HS6ST3: variants seen among roughly 807,000 people sequenced by gnomAD.
HS6ST3 encodes heparan-sulfate 6-O-sulfotransferase 3.
A neutral mutation model predicts 36.7 loss-of-function variants in HS6ST3; 12 were observed. The ratio of observed to expected loss-of-function variants is 0.33; its 90% CI spans 0.21 to 0.53. HS6ST3 has a LOEUF of 0.53. HS6ST3 is among the 20% of genes least tolerant of loss of function. HS6ST3 has a pLI of 0.95. For synonymous variants in HS6ST3, 240 were observed against 257.5 expected (o/e 0.93, Z 0.65); for missense variants, 584 against 640.9 (o/e 0.91, Z 0.96).
rs1878962292 is a variant in HS6ST3, at chr13:96,837,687, G to T, written c.*4489G>T. On this transcript the variant is annotated 3_prime_UTR_variant, in exon 2 of 2. Coordinates refer to ENST00000376705, the MANE Select transcript of HS6ST3 (RefSeq NM_153456.4). ...GAATGAAATATCCAAGAGATGGGCG[G>T]TGCTGCAGGGGAGACCAAAACTCAG... is the stretch of plus-strand genomic sequence containing the variant. The T allele has an allele frequency of 6.6e-6, 1 of 152,098 alleles. No homozygotes were observed. Among genetic ancestry groups the T allele is most frequent in the Non-Finnish European group, 1.5e-5 (1 of 68,034 alleles). The allele number at this position is 152,098 out of a possible 1,614,324, so 9.4% of individuals were successfully genotyped here.
chr13:96,797,445 T>C (rs1380948507), intron 1 of HS6ST3, among the ~76,000 whole-genome samples: 2 of 151,972 alleles, frequency 1.3e-5, no homozygotes, highest in East Asian at 3.9e-4. Flanking sequence ...TGAGTTTGAA[T>C]GATAGAATTG....
intron 1 of HS6ST3, among the ~76,000 whole-genome samples, chr13:96,166,458 G>A (rs2054160632): frequency 6.6e-6 from 1 of 152,078 alleles, no homozygotes; most frequent in South Asian, 2.1e-4. Flanking sequence ...GTGGATGAGT[G>A]TGGCTCTTGA....
At chr13:96,784,785 A>G (rs1877605263) in intron 1 of HS6ST3, among the ~76,000 whole-genome samples, 1 of 152,178 alleles carries the variant, frequency 6.6e-6, no homozygotes, top group Non-Finnish European at 1.5e-5. Flanking sequence ...AAGTAATAGA[A>G]ACAGTGTTCC....
At chr13:96,289,961 A>T (rs2054821772) in intron 1 of HS6ST3, among the ~76,000 whole-genome samples, 1 of 152,148 alleles carries the variant, frequency 6.6e-6, no homozygotes, top group African/African-American at 2.4e-5. Flanking sequence ...CTTGGCTGGC[A>T]TATTTTCTCC....
intron 1 of HS6ST3, among the ~76,000 whole-genome samples, chr13:96,189,667 A>G (rs749990045): frequency 2.0e-5 from 3 of 152,162 alleles, no homozygotes; most frequent in African/African-American, 4.8e-5. Flanking sequence ...CTTCTTGCTC[A>G]TGTTACTTGT....
intron 1 of HS6ST3, among the ~76,000 whole-genome samples, chr13:96,695,862 A>G (rs1875113548): frequency 6.6e-6 from 1 of 152,292 alleles, no homozygotes; most frequent in African/African-American, 2.4e-5. Context: ...AAATTTGGGG[A>G]AAAATATCCA....
chr13:96,752,054 A>G (rs180877631), intron 1 of HS6ST3, among the ~76,000 whole-genome samples: 2 of 152,248 alleles, frequency 1.3e-5, no homozygotes, highest in Admixed American at 6.5e-5. Context: ...TGTAACTACT[A>G]TAACTTTTAA....
intron 1 of HS6ST3, among the ~76,000 whole-genome samples, chr13:96,783,813 A>G (rs893942701): frequency 2.0e-5 from 3 of 152,170 alleles, no homozygotes; most frequent in African/African-American, 7.2e-5. Flanking sequence ...TCGTAAGATC[A>G]CATGAAAGCT....
At chr13:96,199,097 C>G (rs1472199141) in intron 1 of HS6ST3, among the ~76,000 whole-genome samples, 2 of 152,178 alleles carry the variant, frequency 1.3e-5, no homozygotes, top group Non-Finnish European at 2.9e-5. Flanking sequence ...GAGACTTATT[C>G]ACTGTCATGA....
intron 1 of HS6ST3, among the ~76,000 whole-genome samples, chr13:96,774,476 G>A (rs906081565): frequency 3.3e-5 from 5 of 152,150 alleles, no homozygotes; most frequent in Non-Finnish European, 7.4e-5. Context: ...CCAGTTTAGA[G>A]AAGAACATAA....
intron 1 of HS6ST3, among the ~76,000 whole-genome samples, chr13:96,164,398 A>G (rs2054151213): frequency 6.6e-6 from 1 of 151,928 alleles, no homozygotes; most frequent in South Asian, 2.1e-4. Context: ...TACAAAATTA[A>G]AAACATGAAA....
intron 1 of HS6ST3, among the ~76,000 whole-genome samples, chr13:96,556,215 C>G (rs2056240198): frequency 6.6e-6 from 1 of 152,172 alleles, no homozygotes; most frequent in African/African-American, 2.4e-5. Flanking sequence ...AGAGGTACAG[C>G]AGGGCTTTCC....
rs140336827 is a variant in HS6ST3 at position 96,793,293 on chromosome 13, A to G, written c.708-39197A>G. 6.6e-5 allele frequency among the ~76,000 whole-genome samples: 10 copies of G among 152,138 alleles called. No homozygotes were observed. The East Asian group carries it at 1.7e-3, about 27-fold the overall frequency. ...TTGCAAGGGCTAGGACTGACAAGGCAATAGAAGTGGGTGCTGTTTTTTGAT... is the reference window on the plus strand; with the variant it reads ...TTGCAAGGGCTAGGACTGACAAGGCGATAGAAGTGGGTGCTGTTTTTTGAT... On this transcript the variant is annotated intron_variant, in intron 1 of 1. Coordinates refer to ENST00000376705, the MANE Select transcript of HS6ST3 (RefSeq NM_153456.4).
At chr13:96,504,095 G>A (rs2056016478) in intron 1 of HS6ST3, among the ~76,000 whole-genome samples, 3 of 152,114 alleles carry the variant, frequency 2.0e-5, no homozygotes, top group Admixed American at 1.3e-4. Context: ...CATCACAGTG[G>A]AATTTAGGGG....
In HS6ST3 at chr13:96,312,714, G is replaced by A. The variant is rs933936723; in HGVS notation, c.707+221145G>A. 3.9e-5 allele frequency among the ~76,000 whole-genome samples: 6 copies of A among 152,132 alleles called. No individual in the cohort carries two copies. In the East Asian group the frequency reaches 1.2e-3, roughly 29 times the overall value. On this transcript the variant is annotated intron_variant, in intron 1 of 1. Transcript: ENST00000376705. The stretch of plus-strand genomic sequence containing the variant: ...TGCCTGTAATCCTAGCACTTTGGGA[G>A]GCTGAGTCGGGCAGATTGCCTGAGG...
At chr13:96,804,064 A>G (rs1209426273) in intron 1 of HS6ST3, among the ~76,000 whole-genome samples, 1 of 151,904 alleles carries the variant, frequency 6.6e-6, no homozygotes, top group Non-Finnish European at 1.5e-5. Flanking sequence ...CATCTAAAAC[A>G]TGAGCTTATA....
At chr13:96,217,920 A>G (rs2054435355) in intron 1 of HS6ST3, among the ~76,000 whole-genome samples, 1 of 152,192 alleles carries the variant, frequency 6.6e-6, no homozygotes, top group South Asian at 2.1e-4. Flanking sequence ...TTCTTTGCCC[A>G]TCTCATTTAC....
intron 1 of HS6ST3, among the ~76,000 whole-genome samples, chr13:96,223,201 A>G (rs1566293014): frequency 6.6e-6 from 1 of 152,222 alleles, no homozygotes; most frequent in East Asian, 1.9e-4. Flanking sequence ...TGAGGACAAG[A>G]ATGGGAGAAA....
At chr13:96,239,289 A>G (rs888158330) in intron 1 of HS6ST3, among the ~76,000 whole-genome samples, 2 of 152,236 alleles carry the variant, frequency 1.3e-5, no homozygotes, top group African/African-American at 4.8e-5. Flanking sequence ...AATTATTTAC[A>G]TGACAGATGC....
Sources: gnomAD v4.1 joint callset for allele counts (sites outside exome capture counted in the v4.1 genomes callset) on GRCh38, gnomAD v4.1.1 for gene constraint, MANE v1.5 for transcripts, NCBI Gene and HGNC (gene_info 2026-07-23, HGNC 2026-07-21) for gene names.